ARHGAP8: variants seen among roughly 807,000 people sequenced by gnomAD.
ARHGAP8 encodes the protein rho GTPase-activating protein 8.
Under a neutral mutation model 46.1 loss-of-function variants are expected in ARHGAP8, and 62 were observed. The observed-to-expected ratio is 1.34, with a 90% CI of 1.10 to 1.66. The LOEUF (loss-of-function observed/expected upper bound fraction) is 1.66. Among genes scored for constraint, ARHGAP8 ranks in the 40% most tolerant of loss-of-function variants. ARHGAP8 has a pLI of 0.00. For missense variants in ARHGAP8, 923 were observed against 568.4 expected, an observed-to-expected ratio of 1.62 and a Z score of -6.34; for synonymous variants, 375 against 243.1, an observed-to-expected ratio of 1.54 and a Z score of -5.05.
chr22:44,859,073 C>T (rs1421586566), intron 10 of ARHGAP8, among the ~76,000 whole-genome samples: 1 of 150,818 alleles, frequency 6.6e-6, no homozygotes, highest in Non-Finnish European at 1.5e-5. Flanking sequence ...AGTTTGCCAA[C>T]CCCTGGTCTA....
intron 10 of ARHGAP8, among the ~76,000 whole-genome samples, chr22:44,854,433 A>G (rs890245717): frequency 7.9e-5 from 12 of 151,872 alleles, no homozygotes; most frequent in Middle Eastern, 3.4e-3. Context: ...GGGCTTCACC[A>G]TGTTGCCCAG....
chr22:44,860,751 C>T (rs6007345), intron 11 of ARHGAP8, among the ~76,000 whole-genome samples: 4,092 of 124,928 alleles, frequency 0.033, 148 homozygotes, highest in African/African-American at 0.11. Context: ...AAAACCTGTG[C>T]AGCCAACAGG....
rs776956354 is a variant in ARHGAP8, at chr22:44,846,256, C to T, written c.670+914C>T. On this transcript the variant is annotated intron_variant, in intron 8 of 11. Transcript: ENST00000356099. ...CCCATGCAATAGCTCTTAAAGCCAC[C>T]GCCTCAGCCCTGCACCTTTCTGGTT... is the stretch of plus-strand genomic sequence containing the variant. 7.2e-5 allele frequency among the ~76,000 whole-genome samples: 11 copies of T among 152,232 alleles called. No homozygotes were observed. The East Asian group carries it at 1.3e-3, about 19-fold the overall frequency.
Position 44,862,706 on chromosome 22 carries a change from A to T in ARHGAP8, c.*111A>T. 1 of 1,312,862 alleles carries T rather than the reference A, an allele frequency of 7.6e-7. No individual in the cohort carries two copies. The highest frequency in any genetic ancestry group is 1.0e-6 in the Non-Finnish European group (1 of 986,608). The allele number at this position is 1,312,862 out of a possible 1,614,324, so 81.3% of individuals were successfully genotyped here. ...TAACCAGCCATTAGATGAATTCAGAACCTTCTAATGAAAACTCCATGCCTC... is the reference window on the plus strand; with the variant it reads ...TAACCAGCCATTAGATGAATTCAGATCCTTCTAATGAAAACTCCATGCCTC... On this transcript the variant is annotated 3_prime_UTR_variant, in exon 12 of 12. Coordinates refer to ENST00000356099, the MANE Select transcript of ARHGAP8 (RefSeq NM_181335.3).
chr22:44,860,350 A>G (rs935874782), intron 11 of ARHGAP8, among the ~76,000 whole-genome samples: 4 of 152,094 alleles, frequency 2.6e-5, no homozygotes, highest in Non-Finnish European at 5.9e-5. Flanking sequence ...CTCCTTCCAG[A>G]GGCTCTAGGG....
intron 11 of ARHGAP8, 146 bp from the exon 12 acceptor site, chr22:44,862,129 G>A (rs774593155): frequency 4.1e-5 from 39 of 957,090 alleles, no homozygotes; most frequent in African/African-American, 2.3e-4. Context: ...GCAGGTGGCT[G>A]CACAGGGTCC....
At chr22:44,780,406 A>G (rs1926757065) in intron 1 of ARHGAP8, among the ~76,000 whole-genome samples, 1 of 152,038 alleles carries the variant, frequency 6.6e-6, no homozygotes. Context: ...CATGCCTGTA[A>G]TCCCTGCACC....
At chr22:44,791,933 A>G (rs546176216) in intron 2 of ARHGAP8, among the ~76,000 whole-genome samples, 1 of 152,264 alleles carries the variant, frequency 6.6e-6, no homozygotes, top group African/African-American at 2.4e-5. Context: ...AAACATTCCA[A>G]TGCAGGTGCA....
At chr22:44,786,743 A>G (rs1377749669) in intron 2 of ARHGAP8, 137 bp downstream of exon 2, 2 of 1,306,558 alleles carry the variant, frequency 1.5e-6, no homozygotes, top group Non-Finnish European at 1.0e-6. Flanking sequence ...AGCCAGGTGC[A>G]GTGGCTCATA....
chr22:44,843,586 T>C (rs1312580340), intron 7 of ARHGAP8, among the ~76,000 whole-genome samples: 3 of 152,166 alleles, frequency 2.0e-5, no homozygotes, highest in African/African-American at 4.8e-5. Flanking sequence ...CCCAGGACTT[T>C]GGGAGGCCAA....
intron 2 of ARHGAP8, among the ~76,000 whole-genome samples, chr22:44,792,569 G>A (rs184311276): frequency 1.5e-3 from 224 of 152,182 alleles, no homozygotes; most frequent in African/African-American, 4.0e-3. Flanking sequence ...GGACTTCTTC[G>A]GCCAAGGGCT....
intron 3 of ARHGAP8, among the ~76,000 whole-genome samples, chr22:44,807,097 G>A (rs1009351079): frequency 6.6e-6 from 1 of 152,206 alleles, no homozygotes; most frequent in African/African-American, 2.4e-5. Context: ...GCAGTTCTGG[G>A]AGCTTCTGTC....
intron 1 of ARHGAP8, among the ~76,000 whole-genome samples, chr22:44,757,622 C>G (rs1160058015): frequency 6.6e-6 from 1 of 151,980 alleles, no homozygotes; most frequent in Non-Finnish European, 1.5e-5. Context: ...ACCCCCTGCT[C>G]CTTTGGAGTG....
chr22:44,843,258 T>A (rs1265769691), intron 7 of ARHGAP8, among the ~76,000 whole-genome samples: 1 of 152,190 alleles, frequency 6.6e-6, no homozygotes, highest in East Asian at 1.9e-4. Context: ...AAAAACTCTT[T>A]CAGATAAACC....
At chr22:44,753,164 G>A (rs964021079) in intron 1 of ARHGAP8, among the ~76,000 whole-genome samples, 1 of 152,024 alleles carries the variant, frequency 6.6e-6, no homozygotes, top group African/African-American at 2.4e-5. Context: ...AAACTCAGGG[G>A]GTGGGGGGCT....
intron 9 of ARHGAP8, 64 bp downstream of exon 9, chr22:44,848,114 C>G: frequency 3.2e-6 from 5 of 1,587,094 alleles, no homozygotes; most frequent in Non-Finnish European, 4.3e-6. Flanking sequence ...GCTCCGGGGC[C>G]TCAGAGCGGA....
intron 1 of ARHGAP8, among the ~76,000 whole-genome samples, chr22:44,778,779 G>A (rs1283145193): frequency 2.6e-5 from 4 of 152,142 alleles, no homozygotes; most frequent in Non-Finnish European, 4.4e-5. Flanking sequence ...GCCCTGGGAC[G>A]ATAGCAAAAC....
chr22:44,786,643 C>T (rs1385285138), intron 2 of ARHGAP8, 37 bp downstream of exon 2: 1 of 1,595,378 alleles, frequency 6.3e-7, no homozygotes, highest in Middle Eastern at 1.8e-4. Context: ...GGACCATGGG[C>T]AGAGCAGCCT....
intron 1 of ARHGAP8, among the ~76,000 whole-genome samples, chr22:44,757,232 A>G (rs1322823454): frequency 6.6e-6 from 1 of 151,888 alleles, no homozygotes; most frequent in Non-Finnish European, 1.5e-5. Flanking sequence ...AGTTCTTAAT[A>G]TCAGCCAATG....
Sources: gnomAD v4.1 joint callset for allele counts (sites outside exome capture counted in the v4.1 genomes callset) on GRCh38, gnomAD v4.1.1 for gene constraint, MANE v1.5 for transcripts, NCBI Gene and HGNC (gene_info 2026-07-23, HGNC 2026-07-21) for gene names.